Variants in DLEU7 observed in about 807,000 individuals in gnomAD.
DLEU7 encodes leukemia-associated protein 7.
A neutral mutation model predicts 16.0 loss-of-function variants in DLEU7; 17 were observed. That is an observed-to-expected ratio of 1.06 (90% confidence interval 0.73 to 1.59). DLEU7 has a LOEUF of 1.59. DLEU7 is among the 40% of genes most tolerant of loss of function. DLEU7 has a pLI of 0.00. For synonymous variants in DLEU7, 113 were observed against 139.8 expected (o/e 0.81, Z 1.35); for missense variants, 308 against 314.9 (o/e 0.98, Z 0.17).
At chr13:50,749,694 G>T (rs1165621412) in intron 1 of DLEU7, among the ~76,000 whole-genome samples, 1 of 152,070 alleles carries the variant, frequency 6.6e-6, no homozygotes, top group Non-Finnish European at 1.5e-5. Context: ...CATTAGTAAT[G>T]TTGAGCATTT....
chr13:50,831,434 C>A (rs914177582), intron 1 of DLEU7, among the ~76,000 whole-genome samples: 1 of 151,962 alleles, frequency 6.6e-6, no homozygotes, highest in Non-Finnish European at 1.5e-5. Context: ...GCTTATAGGC[C>A]CCTGTAACCA....
chr13:50,743,136 AAG>A (rs35675993), intron 1 of DLEU7, among the ~76,000 whole-genome samples: 55 of 149,664 alleles, frequency 3.7e-4, no homozygotes, highest in Middle Eastern at 3.4e-3. Context: ...CTGTAAGAAA[AAG>A]AGAGAGAGAG....
intron 1 of DLEU7, among the ~76,000 whole-genome samples, chr13:50,832,793 G>C (rs1877323198): frequency 6.6e-6 from 1 of 152,196 alleles, no homozygotes; most frequent in Non-Finnish European, 1.5e-5. Context: ...GTGCGGTTCT[G>C]AGTGAGTTTC....
At chr13:50,826,609 A>G (rs565376427) in intron 1 of DLEU7, among the ~76,000 whole-genome samples, 7 of 152,350 alleles carry the variant, frequency 4.6e-5, no homozygotes, top group African/African-American at 1.7e-4. Flanking sequence ...AGAACAACAG[A>G]CAGAATGAGA....
At chr13:50,831,772 T>C (rs958424757) in intron 1 of DLEU7, among the ~76,000 whole-genome samples, 1 of 152,188 alleles carries the variant, frequency 6.6e-6, no homozygotes, top group Non-Finnish European at 1.5e-5. Context: ...GAGTACGTGA[T>C]GTAGCTAAGT....
Position 50,843,322 on chromosome 13 carries a change from G to A in DLEU7, c.325C>T (p.Pro109Ser), listed in dbSNP as rs570929972. 1,118 of 1,508,696 alleles carry A rather than the reference G, an allele frequency of 7.4e-4. 15 individuals are homozygous for A. The South Asian group carries it at 0.012, about 17-fold the overall frequency. The allele number at this position is 1,508,696 out of a possible 1,614,324, so 93.5% of individuals were successfully genotyped here. A position where few individuals can be genotyped will look rare whatever the true frequency, so the allele number is the denominator to read the frequency against. ...ELLPFPRDRG[P>S]CTLAQMAMRS... The stretch of plus-strand genomic sequence containing the variant: ...ATCGCCATCTGGGCCAGGGTGCAGG[G>A]CCCGCGGTCCCGGGGGAAGGGCAGC... The change falls in exon 1 of 2, where the codon CCC becomes TCC. Residue 109 changes from proline to serine, a missense_variant. By Grantham distance (74) the Pro-to-Ser change is moderately conservative (BLOSUM62 -1). Coordinates refer to ENST00000504404, the MANE Select transcript of DLEU7 (RefSeq NM_001306135.2). This position sits in a 1 kb window ranked among gnomAD's most constrained non-coding sequence, Gnocchi z 5.7.
chr13:50,781,651 G>T (rs1429464594), intron 1 of DLEU7, among the ~76,000 whole-genome samples: 1 of 152,082 alleles, frequency 6.6e-6, no homozygotes, highest in East Asian at 1.9e-4. Context: ...ATCATCTGTG[G>T]CATAAATTAT....
intron 1 of DLEU7, among the ~76,000 whole-genome samples, chr13:50,829,497 T>C (rs1182887871): frequency 2.0e-5 from 3 of 152,066 alleles, no homozygotes; most frequent in Non-Finnish European, 4.4e-5. Flanking sequence ...AAAATATAGT[T>C]GTGGGCAGAA....
chr13:50,747,594 A>G (rs531918719), intron 1 of DLEU7, among the ~76,000 whole-genome samples: 1 of 152,178 alleles, frequency 6.6e-6, no homozygotes, highest in South Asian at 2.1e-4. Context: ...GTCACAGAAC[A>G]CAGGTTGTCA....
rs1221501572 is a variant in DLEU7, at chr13:50,755,634, C to A, written c.460-42394G>T. 6.6e-4 allele frequency among the ~76,000 whole-genome samples: 101 copies of A among 152,222 alleles called. 1 individual carries two copies. Among genetic ancestry groups the A allele is most frequent in the African/African-American group, 2.4e-3 (98 of 41,534 alleles). ...CAGATGTCCTTGCATTGGGCTTCGCCTTTCTCTGGTGCCTCCCCAATTAGC... is the reference window on the plus strand; with the variant it reads ...CAGATGTCCTTGCATTGGGCTTCGCATTTCTCTGGTGCCTCCCCAATTAGC... On this transcript the variant is annotated intron_variant, in intron 1 of 1. Transcript: ENST00000400393.
upstream of DLEU7, chr13:50,843,841 C>T (rs1593422202): frequency 3.0e-6 from 2 of 674,266 alleles, no homozygotes; most frequent in Non-Finnish European, 4.6e-6. The surrounding 1 kb of genome is among the most constrained non-coding windows in gnomAD (Gnocchi z 5.7). Context: ...GCCTGAAGTC[C>T]GAATCAGGCG....
intron 1 of DLEU7, among the ~76,000 whole-genome samples, chr13:50,803,404 T>A (rs879800380): frequency 6.6e-6 from 1 of 152,178 alleles, no homozygotes; most frequent in Non-Finnish European, 1.5e-5. Context: ...GACATTTCCT[T>A]ATTGATATAA....
At position 50,816,503 on chromosome 13, in the gene DLEU7, A is replaced by G. The variant is rs114341599; in HGVS notation, c.459+26685T>C. ...TATGTATAAAAGAATAGTTAGCCAT[A>G]AAAACATAATGCCATTAATAGCCTT... On this transcript the variant is annotated intron_variant, in intron 1 of 1. Coordinates refer to the DLEU7 transcript ENST00000400393. 1.1e-3 allele frequency among the ~76,000 whole-genome samples: 175 copies of G among 152,262 alleles called. 1 individual carries two copies. The highest frequency in any genetic ancestry group is 3.7e-3 in the African/African-American group (154 of 41,568).
At chr13:50,749,717 G>A (rs931249817) in intron 1 of DLEU7, among the ~76,000 whole-genome samples, 3 of 149,240 alleles carry the variant, frequency 2.0e-5, no homozygotes, top group African/African-American at 7.7e-5. Flanking sequence ...TCATACATTT[G>A]TTTGGCCATT....
At chr13:50,779,516 A>G (rs1875595676) in intron 1 of DLEU7, among the ~76,000 whole-genome samples, 1 of 152,172 alleles carries the variant, frequency 6.6e-6, no homozygotes, top group Non-Finnish European at 1.5e-5. Flanking sequence ...AGACATCACT[A>G]CTACTGCTAT....
At chr13:50,722,056 T>G (rs1021621917) in intron 1 of DLEU7, among the ~76,000 whole-genome samples, 1 of 152,118 alleles carries the variant, frequency 6.6e-6, no homozygotes, top group Non-Finnish European at 1.5e-5. Context: ...GAGAAGAGCA[T>G]GGGGTTGTGT....
intron 1 of DLEU7, among the ~76,000 whole-genome samples, chr13:50,779,348 C>T (rs9591360): frequency 0.011 from 1,607 of 152,130 alleles, 31 homozygotes; most frequent in African/African-American, 0.036. Flanking sequence ...AATTGCAATC[C>T]GAATTCACTC....
In DLEU7 at chr13:50,774,367, C is replaced by T. The variant is rs976386047; in HGVS notation, c.460-61127G>A. 2.0e-5 allele frequency among the ~76,000 whole-genome samples: 3 copies of T among 152,170 alleles called. No individual in the cohort carries two copies. In the East Asian group the frequency reaches 5.8e-4, roughly 29 times the overall value. ...TCTTCATCGATCACGCTGGGAGCTA[C>T]AGACCGGAGCTGTTCTTACTTGGCC... On this transcript the variant is annotated intron_variant, in intron 1 of 1. Coordinates refer to the DLEU7 transcript ENST00000400393.
Position 50,823,117 on chromosome 13 carries a change from C to T in DLEU7, c.*197G>A, listed in dbSNP as rs2137801665. On this transcript the variant is annotated 3_prime_UTR_variant, in exon 2 of 2. Coordinates refer to ENST00000504404, the MANE Select transcript of DLEU7 (RefSeq NM_001306135.2). ...TCAATATACTTAAAAATATGAACTA[C>T]TGCTTTAAAAAAATTTCATTAACAT... 6.5e-6 allele frequency: 9 copies of T among 1,378,522 alleles called. No individual in the cohort carries two copies. The East Asian group carries it at 2.4e-4, about 36-fold the overall frequency. The allele number at this position is 1,378,522 out of a possible 1,614,324, so 85.4% of individuals were successfully genotyped here.
Sources: allele counts gnomAD v4.1 joint callset (sites outside exome capture counted in the v4.1 genomes callset), GRCh38; gene constraint gnomAD v4.1.1; non-coding constraint Gnocchi (gnomAD v3.1); transcripts MANE v1.5; gene names NCBI Gene and HGNC (gene_info 2026-07-23, HGNC 2026-07-21).